Variants in KCNQ5 observed in about 807,000 individuals in gnomAD.
The protein encoded by KCNQ5 is potassium voltage-gated channel subfamily KQT member 5.
In KCNQ5, 30 loss-of-function variants were observed where a neutral mutation model predicts 98.2. The ratio of observed to expected loss-of-function variants is 0.31; its 90% CI spans 0.23 to 0.41. The LOEUF is 0.41. KCNQ5 is among the 10% of genes least tolerant of loss of function. The pLI is 1.00. For missense variants in KCNQ5, 835 were observed against 1,182.5 expected, an observed-to-expected ratio of 0.71 and a Z score of 4.31; for synonymous variants, 458 against 449.4, an observed-to-expected ratio of 1.02 and a Z score of -0.24.
At chr6:72,639,424 A>G (rs1233442538) in intron 1 of KCNQ5, among the ~76,000 whole-genome samples, 1 of 152,202 alleles carries the variant, frequency 6.6e-6, no homozygotes, top group Non-Finnish European at 1.5e-5. Context: ...AGGACATCCA[A>G]TTTCACAGGA....
chr6:72,981,699 A>G (rs1768463382), intron 1 of KCNQ5, among the ~76,000 whole-genome samples: 1 of 152,108 alleles, frequency 6.6e-6, no homozygotes, highest in Admixed American at 6.6e-5. Flanking sequence ...GCCTTCTGCT[A>G]GCTTTTGAAT....
intron 3 of KCNQ5, chr6:73,055,012 G>T (rs1233612240): frequency 1.4e-5 from 7 of 486,046 alleles, no homozygotes; most frequent in African/African-American, 1.4e-4. Context: ...CAAAGTCAAT[G>T]TACAAAAATC....
intron 3 of KCNQ5, among the ~76,000 whole-genome samples, chr6:73,063,726 G>GATAGATAGATAA: frequency 4.8e-5 from 4 of 83,538 alleles, no homozygotes; most frequent in Non-Finnish European, 9.6e-5. Context: ...ATAGATGATA[G>GATAGATAGATAA]ATAGATAGAT....
At chr6:72,798,570 T>C (rs1774466247) in intron 1 of KCNQ5, among the ~76,000 whole-genome samples, 1 of 152,126 alleles carries the variant, frequency 6.6e-6, no homozygotes, top group Non-Finnish European at 1.5e-5. Context: ...CTTCCCAGCC[T>C]CCAGAACTGT....
chr6:73,001,351 A>G (rs1048641174), intron 1 of KCNQ5, among the ~76,000 whole-genome samples: 1 of 152,220 alleles, frequency 6.6e-6, no homozygotes, highest in Non-Finnish European at 1.5e-5. Context: ...TGGCATAGGA[A>G]TTATTTCAAC....
At chr6:72,796,373 T>G (rs892016354) in intron 1 of KCNQ5, among the ~76,000 whole-genome samples, 1 of 152,078 alleles carries the variant, frequency 6.6e-6, no homozygotes, top group Non-Finnish European at 1.5e-5. Context: ...TGGACAATGA[T>G]GTAGGTGTTG....
chr6:72,797,132 ACTAG>A (rs1406254257), intron 1 of KCNQ5, among the ~76,000 whole-genome samples: 1 of 152,192 alleles, frequency 6.6e-6, no homozygotes, highest in Non-Finnish European at 1.5e-5. Flanking sequence ...ATTTATCTGA[ACTAG>A]CTAATTTATT....
rs540285042 is a variant in KCNQ5 at position 72,646,291 on chromosome 6, C to A, written c.398+23704C>A. 6.6e-5 allele frequency among the ~76,000 whole-genome samples: 10 copies of A among 151,260 alleles called. No individual in the cohort carries two copies. The South Asian group carries it at 1.0e-3, about 16-fold the overall frequency. ...TATAATGAAACTGTGAAAAATACATCTTCATTTGATAAAAAAAAGTCAACA... is the reference window on the plus strand; with the variant it reads ...TATAATGAAACTGTGAAAAATACATATTCATTTGATAAAAAAAAGTCAACA... On this transcript the variant is annotated intron_variant, in intron 1 of 13. Coordinates refer to ENST00000370398, the MANE Select transcript of KCNQ5 (RefSeq NM_019842.4).
chr6:72,923,438 G>C (rs1780493446), intron 1 of KCNQ5, among the ~76,000 whole-genome samples: 1 of 152,154 alleles, frequency 6.6e-6, no homozygotes, highest in African/African-American at 2.4e-5. Context: ...TAACAGGTGT[G>C]AGGTGATGTC....
chr6:72,719,780 G>T (rs927945230), intron 1 of KCNQ5, among the ~76,000 whole-genome samples: 1 of 152,142 alleles, frequency 6.6e-6, no homozygotes, highest in African/African-American at 2.4e-5. Flanking sequence ...CACTCTCTCA[G>T]CACCAGCTCT....
chr6:73,082,629 G>T (rs914348115), intron 5 of KCNQ5, among the ~76,000 whole-genome samples: 3 of 152,156 alleles, frequency 2.0e-5, no homozygotes, highest in African/African-American at 7.2e-5. Context: ...ACGCTCACAT[G>T]GGTGTGGGAA....
chr6:72,911,323 GA>G (rs1194812435), intron 1 of KCNQ5, among the ~76,000 whole-genome samples: 1 of 152,132 alleles, frequency 6.6e-6, no homozygotes, highest in African/African-American at 2.4e-5. Flanking sequence ...ATGTCCTTAT[GA>G]AAAGAGGCCA....
At chr6:73,091,872 T>C (rs533234173) in intron 5 of KCNQ5, among the ~76,000 whole-genome samples, 2 of 152,248 alleles carry the variant, frequency 1.3e-5, no homozygotes, top group East Asian at 3.8e-4. Context: ...TGAAGAATGA[T>C]GGTGGTATTT....
rs764111724 is a variant in KCNQ5, at chr6:72,969,876, C to T, written c.399-34032C>T. ...CTTAAGAGGACTGTCTGGATAACAACGTCTGGTTATCTGATGTCAACTTCT... is the reference window on the plus strand; with the variant it reads ...CTTAAGAGGACTGTCTGGATAACAATGTCTGGTTATCTGATGTCAACTTCT... On this transcript the variant is annotated intron_variant, in intron 1 of 13. Transcript: ENST00000370398. 1.4e-4 allele frequency among the ~76,000 whole-genome samples: 22 copies of T among 152,260 alleles called. No homozygotes were observed. The South Asian group carries it at 1.7e-3, about 11-fold the overall frequency.
At chr6:72,691,787 T>C (rs1768224900) in intron 1 of KCNQ5, among the ~76,000 whole-genome samples, 1 of 152,230 alleles carries the variant, frequency 6.6e-6, no homozygotes, top group African/African-American at 2.4e-5. Flanking sequence ...TCTTTTGTAA[T>C]ATGAATTCAT....
chr6:73,122,941 G>A (rs1225804393), intron 8 of KCNQ5, among the ~76,000 whole-genome samples: 2 of 152,170 alleles, frequency 1.3e-5, no homozygotes, highest in East Asian at 3.8e-4. Flanking sequence ...GGAGAGTGTT[G>A]TAGTAAGAAA....
At chr6:73,100,353 A>G (rs1774715102) in intron 5 of KCNQ5, among the ~76,000 whole-genome samples, 1 of 152,132 alleles carries the variant, frequency 6.6e-6, no homozygotes, top group Non-Finnish European at 1.5e-5. Context: ...AATAAATGAA[A>G]TTGAAACAAA....
At chr6:72,713,041 C>T (rs954840875) in intron 1 of KCNQ5, among the ~76,000 whole-genome samples, 1 of 152,056 alleles carries the variant, frequency 6.6e-6, no homozygotes, top group Non-Finnish European at 1.5e-5. Context: ...GTAATATGTA[C>T]ATAATAAATA....
chr6:72,664,077 C>T (rs962889675), intron 1 of KCNQ5, among the ~76,000 whole-genome samples: 1 of 152,164 alleles, frequency 6.6e-6, no homozygotes, highest in Non-Finnish European at 1.5e-5. Context: ...GTAAAAGCTA[C>T]TGACTTCAAA....
Sources: gnomAD v4.1 joint callset for allele counts (sites outside exome capture counted in the v4.1 genomes callset) on GRCh38, gnomAD v4.1.1 for gene constraint, MANE v1.5 for transcripts, NCBI Gene and HGNC (gene_info 2026-07-23, HGNC 2026-07-21) for gene names.